The following FMN1 variants were observed in gnomAD, a reference collection of about 807,000 sequenced individuals.
The protein encoded by FMN1 is formin 1, also known as formin-1.
Under a neutral mutation model 132.4 loss-of-function variants are expected in FMN1, and 110 were observed. The ratio of observed to expected loss-of-function variants is 0.83; its 90% CI spans 0.71 to 0.97. FMN1 has a LOEUF of 0.97. Ranked by LOEUF, FMN1 falls within the 50% of genes least tolerant of loss-of-function variation. The probability of loss-of-function intolerance (pLI) is 0.00; values close to 1 mark genes in which losing one functional copy is unlikely to be tolerated. For missense variants in FMN1, 1,792 were observed against 1,705.3 expected, an observed-to-expected ratio of 1.05 and a Z score of -0.90; for synonymous variants, 722 against 651.7, an observed-to-expected ratio of 1.11 and a Z score of -1.64.
intron 5 of FMN1, chr15:33,067,755 T>C: frequency 1.2e-6 from 2 of 1,614,022 alleles, no homozygotes; most frequent in Non-Finnish European, 1.7e-6. Flanking sequence ...GATTCTAATT[T>C]ACTCGTAAAC....
chr15:32,939,601 TATTC>T (rs1484605854), intron 9 of FMN1, among the ~76,000 whole-genome samples: 2 of 152,220 alleles, frequency 1.3e-5, no homozygotes, highest in Admixed American at 6.5e-5. Flanking sequence ...TGTTGGATTA[TATTC>T]ATTATTAGTA....
chr15:32,869,159 G>A (rs942836746), intron 16 of FMN1, among the ~76,000 whole-genome samples: 8 of 152,320 alleles, frequency 5.3e-5, no homozygotes, highest in Admixed American at 2.6e-4. Context: ...GAGTTAAGTG[G>A]TGTAGCATGT....
intron 4 of FMN1, among the ~76,000 whole-genome samples, chr15:33,122,097 A>G (rs1258730285): frequency 1.3e-5 from 2 of 152,214 alleles, no homozygotes; most frequent in African/African-American, 4.8e-5. Context: ...AAGTGCAGGA[A>G]AGGGCCTGGG....
chr15:33,004,030 T>C (rs2034267402), intron 7 of FMN1, among the ~76,000 whole-genome samples: 1 of 152,048 alleles, frequency 6.6e-6, no homozygotes, highest in Non-Finnish European at 1.5e-5. Context: ...TTACACCTTA[T>C]ACAAAAATTA....
At chr15:33,030,059 G>A (rs1012936965) in intron 6 of FMN1, among the ~76,000 whole-genome samples, 1 of 152,198 alleles carries the variant, frequency 6.6e-6, no homozygotes, top group African/African-American at 2.4e-5. Flanking sequence ...TCGGGAGGCC[G>A]AGGCAGGAGA....
At chr15:32,902,785 T>C (rs2060328856) in intron 12 of FMN1, among the ~76,000 whole-genome samples, 1 of 152,162 alleles carries the variant, frequency 6.6e-6, no homozygotes, top group African/African-American at 2.4e-5. Flanking sequence ...CAAAACTAAG[T>C]TGGAAAGAGC....
chr15:32,782,798 A>G (rs2056706312), intron 19 of FMN1, among the ~76,000 whole-genome samples: 2 of 152,230 alleles, frequency 1.3e-5, no homozygotes, highest in African/African-American at 4.8e-5. Context: ...TGGATCACAT[A>G]CACCATGAAA....
At chr15:33,065,718 G>A (rs370802757) in intron 5 of FMN1, among the ~76,000 whole-genome samples, 1 of 152,064 alleles carries the variant, frequency 6.6e-6, no homozygotes, top group Non-Finnish European at 1.5e-5. Flanking sequence ...ATATATAGGA[G>A]GAATGATAGT....
intron 6 of FMN1, among the ~76,000 whole-genome samples, chr15:33,023,996 T>C (rs2141029005): frequency 1.3e-5 from 2 of 152,086 alleles, no homozygotes; most frequent in South Asian, 4.2e-4. Flanking sequence ...GAGAAGACAT[T>C]TGCAAAGCAT....
At chr15:32,843,016 A>G (rs763583535) in intron 17 of FMN1, among the ~76,000 whole-genome samples, 9 of 152,084 alleles carry the variant, frequency 5.9e-5, no homozygotes, top group Non-Finnish European at 1.3e-4. Context: ...AATCCCAGCT[A>G]CTTGGGAGGC....
At chr15:32,818,027 A>T (rs935081757) in intron 17 of FMN1, among the ~76,000 whole-genome samples, 9 of 152,232 alleles carry the variant, frequency 5.9e-5, no homozygotes, top group Non-Finnish European at 1.3e-4. Flanking sequence ...CATTTGAGAA[A>T]GATATAAATA....
intron 7 of FMN1, among the ~76,000 whole-genome samples, chr15:32,988,121 T>C (rs982378667): frequency 6.7e-6 from 1 of 150,136 alleles, no homozygotes; most frequent in African/African-American, 2.5e-5. Flanking sequence ...GTGATGCTGT[T>C]GGACTCCAAT....
intron 6 of FMN1, among the ~76,000 whole-genome samples, chr15:33,056,681 C>A (rs544876351): frequency 2.0e-5 from 3 of 152,106 alleles, no homozygotes; most frequent in Non-Finnish European, 2.9e-5. Flanking sequence ...CTGTAACAGC[C>A]ACAAACTTTG....
chr15:32,866,393 G>GA (rs1212395687), intron 16 of FMN1, among the ~76,000 whole-genome samples: 1 of 151,572 alleles, frequency 6.6e-6, no homozygotes, highest in Non-Finnish European at 1.5e-5. Flanking sequence ...ATAAACATGT[G>GA]AAAAAAAAGC....
chr15:32,830,216 T>C (rs2058468070), intron 17 of FMN1, among the ~76,000 whole-genome samples: 1 of 152,102 alleles, frequency 6.6e-6, no homozygotes. Flanking sequence ...TGACAGGAGA[T>C]TAAAATCTTC....
In FMN1 at chr15:32,785,216, A is replaced by ATTTT. The variant is rs1281698107; in HGVS notation, c.4131-8298_4131-8297insAAAA. Reference sequence around the variant, plus strand: ...TGTGTGTGTGTATATATATATATATATATTTTTTTTTTTTTTTTTTTGTAG... The same window carrying ATTTT: ...TGTGTGTGTGTATATATATATATATATTTTTATTTTTTTTTTTTTTTTTTTGTAG... On this transcript the variant is annotated intron_variant, in intron 19 of 20. Coordinates refer to ENST00000616417, the MANE Select transcript of FMN1 (RefSeq NM_001277313.2). Among the ~76,000 whole-genome samples the ATTTT allele has an allele frequency of 9.0e-4, 18 of 20,088 alleles. 4 individuals are homozygous for ATTTT. The highest frequency in any genetic ancestry group is 2.5e-3 in the African/African-American group (18 of 7,242). The allele number at this position is 20,088 out of a possible 152,430, so 13.2% of individuals were successfully genotyped here.
intron 2 of FMN1, among the ~76,000 whole-genome samples, chr15:33,184,235 A>C (rs1335876951): frequency 6.6e-6 from 1 of 152,236 alleles, no homozygotes; most frequent in Non-Finnish European, 1.5e-5. Flanking sequence ...AATTGGAATG[A>C]TAGTATTTGA....
chr15:32,957,409 C>G (rs1177859321), intron 9 of FMN1, among the ~76,000 whole-genome samples: 1 of 137,452 alleles, frequency 7.3e-6, no homozygotes, highest in Admixed American at 8.1e-5. Context: ...TGCTCAGGAA[C>G]AAATGTCACT....
chr15:33,162,410 AC>A (rs567450099), intron 3 of FMN1, among the ~76,000 whole-genome samples: 16 of 152,080 alleles, frequency 1.1e-4, no homozygotes, highest in African/African-American at 3.9e-4. Flanking sequence ...GTATCAAAGA[AC>A]AAATCAGAGG....
Sources: allele counts gnomAD v4.1 joint callset (sites outside exome capture counted in the v4.1 genomes callset), GRCh38; gene constraint gnomAD v4.1.1; transcripts MANE v1.5; gene names NCBI Gene and HGNC (gene_info 2026-07-23, HGNC 2026-07-21).